ME1: variants seen among roughly 807,000 people sequenced by gnomAD.
The protein encoded by ME1 is malic enzyme 1.
ME1 carries 74 observed loss-of-function variants against 66.4 expected under a neutral mutation model. That is an observed-to-expected ratio of 1.11 (90% CI 0.92 to 1.35). The LOEUF (loss-of-function observed/expected upper bound fraction) is 1.35, where lower values mean the gene tolerates loss of function less well. Among genes scored for constraint, ME1 ranks in the 40% most tolerant of loss-of-function variants. The pLI, the probability that ME1 is intolerant of heterozygous loss-of-function variation, is 0.00. For synonymous variants in ME1, 251 were observed against 235.6 expected, an observed-to-expected ratio of 1.07 and a Z score of -0.60; for missense variants, 750 against 694.1, an observed-to-expected ratio of 1.08 and a Z score of -0.90.
At chr6:83,228,689 AC>A (rs1416475617) in intron 10 of ME1, 136 bp downstream of exon 10, 2 of 635,014 alleles carry the variant, frequency 3.1e-6, no homozygotes, top group African/African-American at 3.7e-5. Flanking sequence ...CTAGGTCTCT[AC>A]AGGGTACTGT....
At chr6:83,276,103 GA>G (rs1562466726) in intron 6 of ME1, among the ~76,000 whole-genome samples, 1 of 152,068 alleles carries the variant, frequency 6.6e-6, no homozygotes, top group Non-Finnish European at 1.5e-5. Context: ...ACAACATACA[GA>G]AAGTCACTTA....
intron 2 of ME1, among the ~76,000 whole-genome samples, chr6:83,403,828 A>G (rs117755696): frequency 0.01 from 1,591 of 152,232 alleles, 18 homozygotes; most frequent in Non-Finnish European, 0.013. Context: ...AAGGACATTA[A>G]CTCATTCTTT....
chr6:83,286,809 T>C (rs1369238554), intron 6 of ME1, among the ~76,000 whole-genome samples: 2 of 152,160 alleles, frequency 1.3e-5, no homozygotes, highest in Non-Finnish European at 2.9e-5. Flanking sequence ...AAAATTTTCC[T>C]TGTAGCCTCA....
intron 2 of ME1, among the ~76,000 whole-genome samples, chr6:83,402,550 T>C (rs1167176690): frequency 1.3e-5 from 2 of 152,204 alleles, no homozygotes; most frequent in Non-Finnish European, 2.9e-5. Flanking sequence ...AAGGAGTTAC[T>C]GTGCTGACTG....
At chr6:83,318,496 A>T in intron 5 of ME1, among the ~76,000 whole-genome samples, 12 of 118,568 alleles carry the variant, frequency 1.0e-4, no homozygotes, top group Non-Finnish European at 1.5e-4. Flanking sequence ...GGCGAAGGAT[A>T]TGAACAGACA....
intron 2 of ME1, among the ~76,000 whole-genome samples, chr6:83,402,997 TC>T (rs1336601590): frequency 6.6e-6 from 1 of 152,228 alleles, no homozygotes; most frequent in Non-Finnish European, 1.5e-5. Context: ...ATCATTTTCT[TC>T]CTTCTCTTAT....
chr6:83,366,989 G>T (rs1769111896), intron 3 of ME1, among the ~76,000 whole-genome samples: 1 of 152,044 alleles, frequency 6.6e-6, no homozygotes, highest in South Asian at 2.1e-4. Flanking sequence ...ATTACAAAAT[G>T]TATTTCTTAT....
chr6:83,393,167 T>C (rs548806764), intron 3 of ME1: 4 of 1,251,768 alleles, frequency 3.2e-6, no homozygotes, highest in African/African-American at 1.5e-5. Flanking sequence ...CTACCAAATA[T>C]GATGACACCA....
At chr6:83,425,601 AC>A (rs1191679983) in intron 1 of ME1, among the ~76,000 whole-genome samples, 5 of 152,010 alleles carry the variant, frequency 3.3e-5, no homozygotes, top group African/African-American at 1.2e-4. Flanking sequence ...GGGGGTAACC[AC>A]CCCCATCATT....
intron 3 of ME1, among the ~76,000 whole-genome samples, chr6:83,374,338 T>C (rs2128547574): frequency 6.6e-6 from 1 of 152,370 alleles, no homozygotes; most frequent in Non-Finnish European, 1.5e-5. Context: ...TGATTTGCAT[T>C]TCTCTAACAA....
chr6:83,231,494 A>G (rs754956209), intron 9 of ME1, among the ~76,000 whole-genome samples: 18 of 152,324 alleles, frequency 1.2e-4, no homozygotes, highest in Non-Finnish European at 2.1e-4. Flanking sequence ...ATGTCTCCCA[A>G]GTATGTTCTC....
At chr6:83,317,011 G>C (rs1018656212) in intron 5 of ME1, among the ~76,000 whole-genome samples, 70 of 151,978 alleles carry the variant, frequency 4.6e-4, no homozygotes, top group African/African-American at 1.7e-3. Context: ...AGAGAAAATT[G>C]AAATAATGAA....
intron 1 of ME1, among the ~76,000 whole-genome samples, chr6:83,414,334 CAAT>C (rs1308360252): frequency 6.6e-6 from 1 of 151,954 alleles, no homozygotes; most frequent in Non-Finnish European, 1.5e-5. Flanking sequence ...TTAAGGCCAA[CAAT>C]ATATTAAACA....
At chr6:83,242,233 A>C (rs1790522400) in intron 7 of ME1, among the ~76,000 whole-genome samples, 1 of 152,166 alleles carries the variant, frequency 6.6e-6, no homozygotes, top group Non-Finnish European at 1.5e-5. Flanking sequence ...ATTTTTCTTA[A>C]CATTTTAGAA....
intron 6 of ME1, among the ~76,000 whole-genome samples, chr6:83,308,751 C>A (rs1199126018): frequency 1.3e-5 from 2 of 150,132 alleles, no homozygotes; most frequent in Admixed American, 6.7e-5. Flanking sequence ...TTTCATAGAA[C>A]TTAACAGTAT....
chr6:83,299,885 T>A (rs899471784), intron 6 of ME1, among the ~76,000 whole-genome samples: 4 of 152,184 alleles, frequency 2.6e-5, no homozygotes, highest in Admixed American at 2.0e-4. Flanking sequence ...TTAGTTCTGT[T>A]TATGTGATGG....
At chr6:83,361,895 G>A (rs1420284179) in intron 3 of ME1, among the ~76,000 whole-genome samples, 1 of 152,172 alleles carries the variant, frequency 6.6e-6, no homozygotes, top group Non-Finnish European at 1.5e-5. Flanking sequence ...AGTTACATGA[G>A]GAAGTGGCTC....
chr6:83,244,960 A>G (rs1032268596), intron 7 of ME1, among the ~76,000 whole-genome samples: 1 of 152,174 alleles, frequency 6.6e-6, no homozygotes, highest in Admixed American at 6.5e-5. Context: ...AAAAATTGCT[A>G]TTGGATCTTG....
At chr6:83,238,484 A>G (rs530265615) in intron 8 of ME1, among the ~76,000 whole-genome samples, 90 of 152,234 alleles carry the variant, frequency 5.9e-4, no homozygotes, top group African/African-American at 2.0e-3. Flanking sequence ...GCCATTCATC[A>G]AACCCTTTGA....
Sources: gnomAD v4.1 joint callset for allele counts (sites outside exome capture counted in the v4.1 genomes callset) on GRCh38, gnomAD v4.1.1 for gene constraint, MANE v1.5 for transcripts, NCBI Gene and HGNC (gene_info 2026-07-23, HGNC 2026-07-21) for gene names.